FSTL4: variants seen among roughly 807,000 people sequenced by gnomAD.
The protein encoded by FSTL4 is follistatin like 4.
FSTL4 carries 28 observed loss-of-function variants against 78.2 expected under a neutral mutation model. That is an observed-to-expected ratio of 0.36 (90% CI 0.27 to 0.49). The LOEUF (loss-of-function observed/expected upper bound fraction) is 0.49, where lower values mean the gene tolerates loss of function less well. Ranked by LOEUF, FSTL4 falls within the 20% of genes least tolerant of loss-of-function variation. The pLI is 0.98. For missense variants in FSTL4, 922 were observed against 1,084.9 expected (o/e 0.85, Z 2.11); for synonymous variants, 422 against 440.5 (o/e 0.96, Z 0.53).
chr5:133,668,226 T>A, the FSTL4 span, among the ~76,000 whole-genome samples: 8 of 152,220 alleles, frequency 5.3e-5, no homozygotes, highest in African/African-American at 1.7e-4. Flanking sequence ...AATTCTCTCA[T>A]ATCAGGAACT....
rs952525993 is a variant in FSTL4, at chr5:133,394,559, G to A, written c.409+6179C>T. On this transcript the variant is annotated intron_variant, in intron 4 of 15. Transcript: ENST00000265342. ...AGTGCCGGCCCACCGGGCTGTTCTC[G>A]AATTCTCGCCGGGCCTCAGCTGCCT... Among the ~76,000 whole-genome samples, 169 of 152,228 alleles carry A rather than the reference G, an allele frequency of 1.1e-3. 1 individual carries two copies. The highest frequency in any genetic ancestry group is 2.5e-4 in the Non-Finnish European group (17 of 68,030).
At chr5:133,496,387 C>T (rs1758367651) in intron 3 of FSTL4, among the ~76,000 whole-genome samples, 6 of 152,194 alleles carry the variant, frequency 3.9e-5, no homozygotes, top group Admixed American at 3.9e-4. Flanking sequence ...ATGCTAACCC[C>T]CTTCAGAGGG....
At chr5:133,517,372 G>A (rs12110279) in intron 3 of FSTL4, among the ~76,000 whole-genome samples, 3,235 of 129,726 alleles carry the variant, frequency 0.025, 139 homozygotes, top group African/African-American at 0.091. Flanking sequence ...GCATTAAGCC[G>A]AGATCATACC....
chr5:133,221,908 T>TTTTTG (rs1751133669), intron 11 of FSTL4, among the ~76,000 whole-genome samples: 3 of 113,322 alleles, frequency 2.6e-5, no homozygotes, highest in African/African-American at 1.3e-4. Flanking sequence ...TTTTTTTTTT[T>TTTTTG]TTTTTTTTTT....
intron 3 of FSTL4, among the ~76,000 whole-genome samples, chr5:133,404,349 C>A (rs1756306155): frequency 6.6e-6 from 1 of 152,168 alleles, no homozygotes; most frequent in African/African-American, 2.4e-5. Flanking sequence ...GAAAGGTAAC[C>A]AAGTGAGACT....
At position 133,264,267 on chromosome 5, in the gene FSTL4, A is replaced by C. The variant is rs139081172; in HGVS notation, c.728-14691T>G. Among the ~76,000 whole-genome samples, 688 of 152,316 alleles carry C rather than the reference A, an allele frequency of 4.5e-3. 8 individuals carry two copies. Among genetic ancestry groups the C allele is most frequent in the African/African-American group, 0.016 (655 of 41,558 alleles). On this transcript the variant is annotated intron_variant, in intron 6 of 15. Transcript: ENST00000265342. Reference sequence around the variant, plus strand: ...TGCTAGCAATAAAAATGTGACTTGCACACCCTTAAAATAAATACTTATTTT... The same window carrying C: ...TGCTAGCAATAAAAATGTGACTTGCCCACCCTTAAAATAAATACTTATTTT...
intron 3 of FSTL4, among the ~76,000 whole-genome samples, chr5:133,519,622 T>C (rs1353981185): frequency 1.3e-5 from 2 of 152,198 alleles, no homozygotes; most frequent in African/African-American, 4.8e-5. Flanking sequence ...CTGGGCCCCT[T>C]TGGTATTTTT....
intron 4 of FSTL4, among the ~76,000 whole-genome samples, chr5:133,318,056 C>A (rs748027948): frequency 6.6e-6 from 1 of 152,114 alleles, no homozygotes; most frequent in African/African-American, 2.4e-5. Context: ...GATTTTCTTC[C>A]AATTTGGGGT....
At chr5:133,520,747 A>G (rs1758963377) in intron 3 of FSTL4, among the ~76,000 whole-genome samples, 1 of 152,084 alleles carries the variant, frequency 6.6e-6, no homozygotes, top group Admixed American at 6.6e-5. Context: ...CTGCATACAT[A>G]TATTTCTCAC....
the FSTL4 span, among the ~76,000 whole-genome samples, chr5:133,629,087 A>C: frequency 6.6e-6 from 1 of 150,418 alleles, no homozygotes; most frequent in Non-Finnish European, 1.5e-5. Flanking sequence ...TTGCCCATTC[A>C]CTATGATATT....
intron 4 of FSTL4, among the ~76,000 whole-genome samples, chr5:133,358,762 G>A (rs1375736388): frequency 1.3e-5 from 2 of 151,894 alleles, no homozygotes; most frequent in Non-Finnish European, 2.9e-5. Context: ...ACCACACCCA[G>A]CTAATTTCTG....
chr5:133,713,380 T>C, the FSTL4 span, among the ~76,000 whole-genome samples: 1 of 152,238 alleles, frequency 6.6e-6, no homozygotes, highest in South Asian at 2.1e-4. Flanking sequence ...CTGCCTTGCC[T>C]GGCTTCAGCT....
At chr5:133,497,603 G>A (rs1230334157) in intron 3 of FSTL4, among the ~76,000 whole-genome samples, 1 of 152,136 alleles carries the variant, frequency 6.6e-6, no homozygotes, top group African/African-American at 2.4e-5. Context: ...CACGCAGGCA[G>A]ACAGGGGTAC....
chr5:133,411,372 C>T (rs766205295), intron 3 of FSTL4, among the ~76,000 whole-genome samples: 1 of 152,052 alleles, frequency 6.6e-6, no homozygotes, highest in Non-Finnish European at 1.5e-5. Context: ...TTTGAGCCAA[C>T]AAGAAAATCA....
chr5:133,199,457 G>C lies in FSTL4; in HGVS notation c.2167C>G (p.Gln723Glu). 1 of 1,614,216 alleles carries C rather than the reference G, an allele frequency of 6.2e-7. No homozygotes were observed. The highest frequency in any genetic ancestry group is 1.1e-5 in the South Asian group (1 of 91,086). ...TTTATTTGCAGGTCATACAGGGTCTGGATCTCGCCCCGCACTGTGATCTCC... is the reference window on the plus strand; with the variant it reads ...TTTATTTGCAGGTCATACAGGGTCTCGATCTCGCCCCGCACTGTGATCTCC... ...VQEITVRGEI[Q>E]TLYDLQINSG... The change falls in exon 16 of 16, where the codon CAG becomes GAG. Residue 723 changes from glutamine (Q) to glutamate (E), a missense_variant. Coordinates refer to ENST00000265342, the MANE Select transcript of FSTL4 (RefSeq NM_015082.2). This position sits in a 1 kb window ranked among gnomAD's most constrained non-coding sequence, Gnocchi z 4.4.
At chr5:133,367,949 C>T (rs1435118393) in intron 4 of FSTL4, among the ~76,000 whole-genome samples, 7 of 152,246 alleles carry the variant, frequency 4.6e-5, no homozygotes, top group Non-Finnish European at 1.0e-4. Flanking sequence ...AACCCAGATC[C>T]AACAGGCAGG....
At chr5:133,822,665 C>T in the FSTL4 span, among the ~76,000 whole-genome samples, 9 of 152,236 alleles carry the variant, frequency 5.9e-5, no homozygotes, top group Admixed American at 1.3e-4. Flanking sequence ...GCACACGCAC[C>T]GATGCTCCTG....
intron 2 of FSTL4, among the ~76,000 whole-genome samples, chr5:133,580,411 A>C (rs1254971285): frequency 1.3e-5 from 2 of 152,104 alleles, no homozygotes; most frequent in African/African-American, 4.8e-5. Flanking sequence ...GTAGATATTT[A>C]TTGTCCTGGA....
intron 4 of FSTL4, among the ~76,000 whole-genome samples, chr5:133,381,468 A>G (rs989163506): frequency 6.6e-6 from 1 of 152,220 alleles, no homozygotes; most frequent in African/African-American, 2.4e-5. Context: ...GTTGAGACAC[A>G]TTTATGAATA....
Sources: gnomAD v4.1 joint callset for allele counts (sites outside exome capture counted in the v4.1 genomes callset) on GRCh38, gnomAD v4.1.1 for gene constraint, Gnocchi (gnomAD v3.1) non-coding constraint, MANE v1.5 for transcripts, NCBI Gene and HGNC (gene_info 2026-07-23, HGNC 2026-07-21) for gene names.